PHACTR3: variants seen among roughly 807,000 people sequenced by gnomAD.
The protein encoded by PHACTR3 is phosphatase and actin regulator 3.
A neutral mutation model predicts 66.8 loss-of-function variants in PHACTR3; 16 were observed. That is an observed-to-expected ratio of 0.24 (90% CI 0.16 to 0.36). The LOEUF is 0.36. PHACTR3 is among the 10% of genes least tolerant of loss of function. The pLI is 1.00. For synonymous variants in PHACTR3, 323 were observed against 292.1 expected (o/e 1.11, Z -1.08); for missense variants, 647 against 719.9 (o/e 0.90, Z 1.16).
At chr20:59,747,542 G>A (rs1311195363) in intron 2 of PHACTR3, among the ~76,000 whole-genome samples, 2 of 152,220 alleles carry the variant, frequency 1.3e-5, no homozygotes, top group African/African-American at 2.4e-5. Context: ...TATCTACTGC[G>A]TGCACTGCTC....
In PHACTR3 at chr20:59,743,129, G is replaced by A. The variant is rs367879854; in HGVS notation, c.141G>A (p.Pro47=). The A allele has an allele frequency of 8.7e-6, 14 of 1,613,860 alleles. No homozygotes were observed. The highest frequency in any genetic ancestry group is 4.5e-5 in the East Asian group (2 of 44,852). Residue 47 remains proline (P), a synonymous_variant, in exon 2 of 13, where the codon CCG becomes CCA. Transcript: ENST00000371015. ...ENPDEMDQTP[P]ARPEYLVSGI... ...CAGATGAGATGGACCAAACGCCCCC[G>A]GCGCGTCCTGAATATCTGGTCTCAG...
At chr20:59,764,637 G>A (rs1311873132) in intron 4 of PHACTR3, among the ~76,000 whole-genome samples, 1 of 152,134 alleles carries the variant, frequency 6.6e-6, no homozygotes, top group Admixed American at 6.5e-5. Flanking sequence ...ATTGAGGCCG[G>A]GTGAGCCAGT....
chr20:59,748,280 C>T (rs570496278), intron 3 of PHACTR3, among the ~76,000 whole-genome samples: 5 of 152,190 alleles, frequency 3.3e-5, no homozygotes, highest in Non-Finnish European at 7.4e-5. Context: ...CATGCTGGGG[C>T]GGGGTGGGAT....
intron 1 of PHACTR3, among the ~76,000 whole-genome samples, chr20:59,694,558 T>C (rs942310316): frequency 2.0e-5 from 3 of 150,780 alleles, no homozygotes; most frequent in African/African-American, 7.3e-5. Context: ...AGGTAAACAG[T>C]TGGGAAAGAA....
rs1491451079 is a variant in PHACTR3, at chr20:59,676,895, TTG to T, written c.119-66210_119-66209del. On this transcript the variant is annotated intron_variant, in intron 1 of 12. Coordinates refer to ENST00000371015, the MANE Select transcript of PHACTR3 (RefSeq NM_080672.5). The stretch of plus-strand genomic sequence containing the variant: ...GCCCTAAGAGAATGGCTTTTTTTTT[TTG>T]TTCTTGAATCGGATGACTGCATTTG... The T allele has an allele frequency of 6.8e-3, 1,106 of 161,768 alleles. 5 individuals carry two copies. Among genetic ancestry groups the T allele is most frequent in the Non-Finnish European group, 8.0e-3 (859 of 107,382 alleles). 10.0% of individuals were successfully genotyped at this position (161,768 alleles called of 1,614,324 possible).
chr20:59,708,324 A>G (rs1190979884), intron 1 of PHACTR3, among the ~76,000 whole-genome samples: 2 of 152,160 alleles, frequency 1.3e-5, no homozygotes, highest in East Asian at 3.8e-4. Flanking sequence ...TAGCAAAGGG[A>G]CGCTGCTTAT....
intron 1 of PHACTR3, among the ~76,000 whole-genome samples, chr20:59,639,059 AGATGGATGGATGGATGGATG>A (rs111262717): frequency 2.3e-5 from 3 of 129,572 alleles, no homozygotes; most frequent in South Asian, 2.8e-4. Context: ...GGAGATGGAT[AGATGGATGGATGGATGGATG>A]GATGGATGGA....
chr20:59,679,599 T>C (rs2036573530), intron 1 of PHACTR3, among the ~76,000 whole-genome samples: 1 of 152,076 alleles, frequency 6.6e-6, no homozygotes, highest in Non-Finnish European at 1.5e-5. Flanking sequence ...ACTGTATTAG[T>C]CCATTTTTAC....
At position 59,738,428 on chromosome 20, in the gene PHACTR3, G is replaced by A. The variant is rs1049506618; in HGVS notation, c.119-4679G>A. ...AAGGGAAGCGAGCAGGAAGTGATAGGGTTAGAGCTCTATTTCTAAGACATC... is the reference window on the plus strand; with the variant it reads ...AAGGGAAGCGAGCAGGAAGTGATAGAGTTAGAGCTCTATTTCTAAGACATC... On this transcript the variant is annotated intron_variant, in intron 1 of 12. Coordinates refer to ENST00000371015, the MANE Select transcript of PHACTR3 (RefSeq NM_080672.5). The surrounding 1 kb of genome is among the most constrained non-coding windows in gnomAD (Gnocchi z 4.4). Among the ~76,000 whole-genome samples, 11 of 152,142 alleles carry A rather than the reference G, an allele frequency of 7.2e-5. No individual in the cohort carries two copies. The highest frequency in any genetic ancestry group is 1.5e-4 in the Non-Finnish European group (10 of 68,018).
intron 1 of PHACTR3, among the ~76,000 whole-genome samples, chr20:59,663,467 C>T (rs1402097834): frequency 6.6e-6 from 1 of 152,118 alleles, no homozygotes; most frequent in Non-Finnish European, 1.5e-5. Flanking sequence ...CTAGTGAGGC[C>T]CCCAGTTCTT....
At chr20:59,794,445 G>A (rs2041195543) in intron 7 of PHACTR3, among the ~76,000 whole-genome samples, 1 of 152,104 alleles carries the variant, frequency 6.6e-6, no homozygotes, top group Admixed American at 6.5e-5. Flanking sequence ...AATCTAGTTT[G>A]CTATTATTTT....
At chr20:59,734,697 T>G (rs1401416452) in intron 1 of PHACTR3, among the ~76,000 whole-genome samples, 1 of 152,108 alleles carries the variant, frequency 6.6e-6, no homozygotes, top group Non-Finnish European at 1.5e-5. Context: ...CAATTTTATA[T>G]GTGGAAATTT....
At chr20:59,694,588 G>A (rs1028552799) in intron 1 of PHACTR3, among the ~76,000 whole-genome samples, 3 of 152,024 alleles carry the variant, frequency 2.0e-5, no homozygotes, top group Non-Finnish European at 4.4e-5. Flanking sequence ...GAGATATAAG[G>A]AATTTAAATT....
intron 7 of PHACTR3, among the ~76,000 whole-genome samples, chr20:59,779,658 T>C (rs1369232437): frequency 6.6e-6 from 1 of 152,254 alleles, no homozygotes; most frequent in Non-Finnish European, 1.5e-5. Context: ...GACGTTGTCT[T>C]ATCCCATGTG....
At chr20:59,841,361 T>A (rs1202907476) in intron 10 of PHACTR3, 34 bp from the exon 11 acceptor site, 2 of 1,590,290 alleles carry the variant, frequency 1.3e-6, no homozygotes, top group African/African-American at 2.7e-5. Flanking sequence ...TAGTTTGGCA[T>A]GTGATACTTA....
intron 8 of PHACTR3, among the ~76,000 whole-genome samples, chr20:59,833,122 G>C (rs1311572921): frequency 6.6e-6 from 1 of 152,178 alleles, no homozygotes; most frequent in Non-Finnish European, 1.5e-5. Context: ...GTGGGGTCCT[G>C]GCCTGAGCAC....
chr20:59,759,578 C>A (rs2146838396), intron 4 of PHACTR3, among the ~76,000 whole-genome samples: 1 of 152,316 alleles, frequency 6.6e-6, no homozygotes, highest in African/African-American at 2.4e-5. Flanking sequence ...ACTTAATCTT[C>A]TGCTTTGGGC....
intron 7 of PHACTR3, among the ~76,000 whole-genome samples, chr20:59,803,249 A>G (rs1222950734): frequency 6.6e-6 from 1 of 152,158 alleles, no homozygotes; most frequent in African/African-American, 2.4e-5. Flanking sequence ...AAATTCCACC[A>G]ATTTTTCTGG....
chr20:59,666,159 A>C (rs1273562114), intron 1 of PHACTR3, among the ~76,000 whole-genome samples: 2 of 152,168 alleles, frequency 1.3e-5, no homozygotes, highest in African/African-American at 2.4e-5. Context: ...GCTGAGGCAG[A>C]AATAAACAGA....
Sources: gnomAD v4.1 joint callset for allele counts (sites outside exome capture counted in the v4.1 genomes callset) on GRCh38, gnomAD v4.1.1 for gene constraint, Gnocchi (gnomAD v3.1) non-coding constraint, MANE v1.5 for transcripts, NCBI Gene and HGNC (gene_info 2026-07-23, HGNC 2026-07-21) for gene names.